Variants in TBC1D24 observed in about 807,000 individuals in gnomAD.
The protein encoded by TBC1D24 is Infantile myoclonic epilepsy.
A neutral mutation model predicts 50.7 loss-of-function variants in TBC1D24; 47 were observed. That is an observed-to-expected ratio of 0.93 (90% CI 0.73 to 1.18). The LOEUF (loss-of-function observed/expected upper bound fraction) is 1.18. Among genes scored for constraint, TBC1D24 ranks in the 50% most tolerant of loss-of-function variants. The pLI, the probability that TBC1D24 is intolerant of heterozygous loss-of-function variation, is 0.00. For synonymous variants in TBC1D24, 324 were observed against 335.2 expected, an observed-to-expected ratio of 0.97 and a Z score of 0.36; for missense variants, 688 against 766.5, an observed-to-expected ratio of 0.90 and a Z score of 1.21.
At position 2,475,913 on chromosome 16, in the gene TBC1D24, CGGG is replaced by C. The variant is rs1287510633; in HGVS notation, c.-116+744_-116+746del. On this transcript the variant is annotated intron_variant, in intron 1 of 7. Coordinates refer to ENST00000646147, the MANE Select transcript of TBC1D24 (RefSeq NM_001199107.2). The surrounding 1 kb of genome is among the most constrained non-coding windows in gnomAD (Gnocchi z 4.2). ...CCGCAGGGAAACGCGCTGTGGCCCCCGGGTTACTGCTTGCGGGGGTGATATTAA... is the reference window on the plus strand; with the variant it reads ...CCGCAGGGAAACGCGCTGTGGCCCCCTTACTGCTTGCGGGGGTGATATTAA... Among the ~76,000 whole-genome samples, 3 of 152,232 alleles carry C rather than the reference CGGG, an allele frequency of 2.0e-5. No homozygotes were observed. Among genetic ancestry groups the C allele is most frequent in the Non-Finnish European group, 4.4e-5 (3 of 68,034 alleles).
In TBC1D24 at chr16:2,502,887, C is replaced by G. The variant is rs886051858; in HGVS notation, c.*1929C>G. The G allele has an allele frequency of 6.5e-6, 1 of 152,744 alleles. No homozygotes were observed. The highest frequency in any genetic ancestry group is 1.5e-5 in the Non-Finnish European group (1 of 68,150). 9.5% of individuals were successfully genotyped at this position (152,744 alleles called of 1,614,324 possible). ...TCCAGGGCTCCAAGCTGAGTCTGATCTCTTCAGCCAGAGGGGCCTCCGGGG... is the reference window on the plus strand; with the variant it reads ...TCCAGGGCTCCAAGCTGAGTCTGATGTCTTCAGCCAGAGGGGCCTCCGGGG... On this transcript the variant is annotated 3_prime_UTR_variant, in exon 8 of 8. Coordinates refer to ENST00000646147, the MANE Select transcript of TBC1D24 (RefSeq NM_001199107.2).
chr16:2,490,341 G>A (rs1267358479), intron 1 of TBC1D24, among the ~76,000 whole-genome samples: 4 of 152,316 alleles, frequency 2.6e-5, no homozygotes, highest in South Asian at 2.1e-4. Flanking sequence ...GTGCCACCTC[G>A]GAGAACCAGC....
rs1427070522 is a variant in TBC1D24, at chr16:2,499,945, G to A, written c.1302+15G>A. On this transcript the variant is annotated intron_variant, in intron 6 of 7. Transcript: ENST00000646147. This position sits in a 1 kb window ranked among gnomAD's most constrained non-coding sequence, Gnocchi z 4.0. The stretch of plus-strand genomic sequence containing the variant: ...TTGTGTTTAGGGTGAGTGGGGCCAA[G>A]TGTCCCCAAACCCCCACGCAGACCC... 1 of 1,610,652 alleles carries A rather than the reference G, an allele frequency of 6.2e-7. No individual in the cohort carries two copies. The highest frequency in any genetic ancestry group is 8.5e-7 in the Non-Finnish European group (1 of 1,176,964).
chr16:2,501,045 C>A lies in TBC1D24; in HGVS notation c.*87C>A. On this transcript the variant is annotated 3_prime_UTR_variant, in exon 8 of 8. Coordinates refer to ENST00000646147, the MANE Select transcript of TBC1D24 (RefSeq NM_001199107.2). ...CGGGCAGCAGAGAGCAGATGAAACC[C>A]CCATGTGGTAGGCAGGGTTGGGGGA... 1 of 1,549,556 alleles carries A rather than the reference C, an allele frequency of 6.5e-7. No individual in the cohort carries two copies. Among genetic ancestry groups the A allele is most frequent in the Non-Finnish European group, 8.7e-7 (1 of 1,143,420 alleles).
In TBC1D24 at chr16:2,504,747, C is replaced by T. The variant is rs2065822347; in HGVS notation, c.*3789C>T. On this transcript the variant is annotated 3_prime_UTR_variant, in exon 8 of 8. Transcript: ENST00000646147. ...ATTGCCCCGTTTTTTTCCCACTGTCCAGGAATCGATTTAATTTTTACAGTT... is the reference window on the plus strand; with the variant it reads ...ATTGCCCCGTTTTTTTCCCACTGTCTAGGAATCGATTTAATTTTTACAGTT... The T allele has an allele frequency of 6.6e-6, 1 of 151,892 alleles. No homozygotes were observed. Among genetic ancestry groups the T allele is most frequent in the South Asian group, 2.1e-4 (1 of 4,818 alleles). The allele number at this position is 151,892 out of a possible 1,614,324, so 9.4% of individuals were successfully genotyped here.
Position 2,500,848 on chromosome 16 carries a change from C to T in TBC1D24, c.1570C>T (p.Arg524Trp), listed in dbSNP as rs78644690. The change falls in exon 8 of 8, where the codon CGG becomes TGG. Residue 524 changes from arginine to tryptophan, a missense_variant. Transcript: ENST00000646147. The surrounding 1 kb of genome is among the most constrained non-coding windows in gnomAD (Gnocchi z 8.0). ...GCTCTACATCGATGGGGACCTGAAC[C>T]GGGGCCGCACAAGCCACTGCGACAC... ...QALYIDGDLN[R>W]GRTSHCDTFN... 203 of 1,609,584 alleles carry T rather than the reference C, an allele frequency of 1.3e-4. 2 individuals are homozygous for T. In the East Asian group the frequency reaches 3.6e-3, roughly 29 times the overall value.
intron 1 of TBC1D24, among the ~76,000 whole-genome samples, chr16:2,494,320 G>A (rs1438931765): frequency 6.6e-6 from 1 of 151,918 alleles, no homozygotes; most frequent in Non-Finnish European, 1.5e-5. Context: ...GCTGAGGCAG[G>A]AGAATCACTT....
In TBC1D24 at chr16:2,505,705, CT is replaced by C. The variant is rs757955247; in HGVS notation, c.*4748del. The C allele has an allele frequency of 6.6e-6, 1 of 152,112 alleles. No individual in the cohort carries two copies. The highest frequency in any genetic ancestry group is 2.4e-5 in the African/African-American group (1 of 41,398). The allele number at this position is 152,112 out of a possible 1,614,324, so 9.4% of individuals were successfully genotyped here. On this transcript the variant is annotated 3_prime_UTR_variant, in exon 8 of 8. Coordinates refer to ENST00000646147, the MANE Select transcript of TBC1D24 (RefSeq NM_001199107.2). ...TGTTTGGTTGGTGTTAATTTGAGTC[CT>C]AAATAAAATCGAGAACTGGTAAAAG...
At chr16:2,492,749 G>T (rs532475925) in intron 1 of TBC1D24, among the ~76,000 whole-genome samples, 1 of 152,274 alleles carries the variant, frequency 6.6e-6, no homozygotes, top group South Asian at 2.1e-4. Flanking sequence ...GGTCTTAAGG[G>T]TTTCTTTTCT....
rs983281967 is a variant in TBC1D24 at position 2,505,294 on chromosome 16, G to T, written c.*4336G>T. ...TGTGATTCATTGCTAAAAACAAAAT[G>T]CCTCCCACAATTGCAGACTCACTCA... On this transcript the variant is annotated 3_prime_UTR_variant, in exon 8 of 8. Coordinates refer to ENST00000646147, the MANE Select transcript of TBC1D24 (RefSeq NM_001199107.2). 6.6e-6 allele frequency: 1 copy of T among 152,172 alleles called. No individual in the cohort carries two copies. Among genetic ancestry groups the T allele is most frequent in the Non-Finnish European group, 1.5e-5 (1 of 68,032 alleles). The allele number at this position is 152,172 out of a possible 1,614,324, so 9.4% of individuals were successfully genotyped here.
rs1284640791 is a variant in TBC1D24, at chr16:2,487,027, C to T, written c.-115-9007C>T. 6.6e-6 allele frequency among the ~76,000 whole-genome samples: 1 copy of T among 152,222 alleles called. No homozygotes were observed. Among genetic ancestry groups the T allele is most frequent in the East Asian group, 1.9e-4 (1 of 5,194 alleles). On this transcript the variant is annotated intron_variant, in intron 1 of 7. Coordinates refer to ENST00000646147, the MANE Select transcript of TBC1D24 (RefSeq NM_001199107.2). This position sits in a 1 kb window ranked among gnomAD's most constrained non-coding sequence, Gnocchi z 4.1. Reference sequence around the variant, plus strand: ...GGATTTTTGTAAACGCAGATCTGATCGGGTCACCTGCCTAGACTTTCCTCC... The same window carrying T: ...GGATTTTTGTAAACGCAGATCTGATTGGGTCACCTGCCTAGACTTTCCTCC...
At position 2,499,162 on chromosome 16, in the gene TBC1D24, A is replaced by G. The variant is rs543711978; in HGVS notation, c.1143-195A>G. ...CAAGGCCTCTCCCCTGAGTCACACC[A>G]GGGCAGGCTGTCCTGGGGATGGCAG... On this transcript the variant is annotated intron_variant, in intron 4 of 7. Coordinates refer to ENST00000646147, the MANE Select transcript of TBC1D24 (RefSeq NM_001199107.2). The surrounding 1 kb of genome is among the most constrained non-coding windows in gnomAD (Gnocchi z 4.0). Among the ~76,000 whole-genome samples, 9 of 152,268 alleles carry G rather than the reference A, an allele frequency of 5.9e-5. No individual in the cohort carries two copies. In the East Asian group the frequency reaches 1.4e-3, roughly 23 times the overall value.
intron 1 of TBC1D24, chr16:2,476,956 T>C (rs2065573996): frequency 6.6e-6 from 1 of 152,250 alleles, no homozygotes; most frequent in African/African-American, 2.4e-5. Context: ...TATCTACAGA[T>C]TGAGCCAAGC....
Position 2,498,364 on chromosome 16 carries a change from C to T in TBC1D24, c.1110C>T (p.Phe370=), listed in dbSNP as rs1555501404. 3 of 1,609,124 alleles carry T rather than the reference C, an allele frequency of 1.9e-6. 1 individual carries two copies. The highest frequency in any genetic ancestry group is 2.2e-5 in the South Asian group (2 of 89,940). ...RFALCQPLLL[F]SSLQHGYSLA... ...CCCTGTGCCAGCCCCTTCTGCTGTTCTCCTCCCTGCAGCACGGGTACAGCC... is the reference window on the plus strand; with the variant it reads ...CCCTGTGCCAGCCCCTTCTGCTGTTTTCCTCCCTGCAGCACGGGTACAGCC... Residue 370 remains phenylalanine, a synonymous_variant, in exon 4 of 8, where the codon TTC becomes TTT. Transcript: ENST00000646147.
At chr16:2,493,209 G>A (rs1452672990) in intron 1 of TBC1D24, among the ~76,000 whole-genome samples, 1 of 151,546 alleles carries the variant, frequency 6.6e-6, no homozygotes, top group Non-Finnish European at 1.5e-5. Flanking sequence ...CACAATCTCG[G>A]CTCACTGCAA....
In TBC1D24 at chr16:2,486,044, T is replaced by C. The variant is rs144463940; in HGVS notation, c.-115-9990T>C. 8.6e-3 allele frequency among the ~76,000 whole-genome samples: 1,311 copies of C among 152,298 alleles called. 7 individuals are homozygous for C. Among genetic ancestry groups the C allele is most frequent in the Middle Eastern group, 0.02 (6 of 294 alleles). On this transcript the variant is annotated intron_variant, in intron 1 of 7. Coordinates refer to ENST00000646147, the MANE Select transcript of TBC1D24 (RefSeq NM_001199107.2). The surrounding 1 kb of genome is among the most constrained non-coding windows in gnomAD (Gnocchi z 5.8). Reference sequence around the variant, plus strand: ...AATGCCTGTGCTGCCCTCCCCTGCCTGGCGGGTGGGGTCGGTGCTCAGGAG... The same window carrying C: ...AATGCCTGTGCTGCCCTCCCCTGCCCGGCGGGTGGGGTCGGTGCTCAGGAG...
Position 2,496,832 on chromosome 16 carries a change from C to A in TBC1D24, c.684C>A (p.Val228=). 1 of 1,614,118 alleles carries A rather than the reference C, an allele frequency of 6.2e-7. No individual in the cohort carries two copies. The highest frequency in any genetic ancestry group is 8.5e-7 in the Non-Finnish European group (1 of 1,180,048). ...GELPLCYFAR[V]FDVFLVEGYK... is the part of the protein sequence containing the mutation. ...TGCCCCTCTGCTACTTCGCCCGGGT[C>A]TTTGACGTCTTCCTGGTGGAGGGCT... Residue 228 remains valine (V), a synonymous_variant, in exon 2 of 8, where the codon GTC becomes GTA. Transcript: ENST00000646147.
chr16:2,479,407 C>T (rs2065593174), intron 1 of TBC1D24: 1 of 152,284 alleles, frequency 6.6e-6, no homozygotes, highest in African/African-American at 2.4e-5. Context: ...AAAGCCTTCT[C>T]AGACCGAGAG....
At chr16:2,490,519 G>A (rs1022638034) in intron 1 of TBC1D24, among the ~76,000 whole-genome samples, 21 of 152,244 alleles carry the variant, frequency 1.4e-4, no homozygotes, top group African/African-American at 2.2e-4. Flanking sequence ...TGCTGGCACT[G>A]TCTGCCTTGG....
Sources: allele counts gnomAD v4.1 joint callset (sites outside exome capture counted in the v4.1 genomes callset), GRCh38; gene constraint gnomAD v4.1.1; non-coding constraint Gnocchi (gnomAD v3.1); transcripts MANE v1.5; gene names NCBI Gene and HGNC (gene_info 2026-07-23, HGNC 2026-07-21).